The following RNFT2 variants were observed in gnomAD, a reference collection of about 807,000 sequenced individuals.
RNFT2 encodes ring finger protein, transmembrane 2, also known as E3 ubiquitin-protein ligase RNFT2.
In RNFT2, 36 loss-of-function variants were observed where a neutral mutation model predicts 53.0. The observed-to-expected ratio is 0.68, with a 90% CI of 0.52 to 0.90. The LOEUF is 0.90. Among genes scored for constraint, RNFT2 ranks in the 40% least tolerant of loss-of-function variants. The probability of loss-of-function intolerance (pLI) is 0.00; values close to 1 mark genes in which losing one functional copy is unlikely to be tolerated. For missense variants in RNFT2, 514 were observed against 585.6 expected, an observed-to-expected ratio of 0.88 and a Z score of 1.26; for synonymous variants, 260 against 253.2, an observed-to-expected ratio of 1.03 and a Z score of -0.26.
At chr12:116,808,377 G>A (rs930748440) in intron 7 of RNFT2, among the ~76,000 whole-genome samples, 4 of 152,152 alleles carry the variant, frequency 2.6e-5, no homozygotes, top group East Asian at 3.8e-4. Context: ...GGTGCGAGCC[G>A]CTGCATCCAG....
At chr12:116,750,853 T>G (rs1239650224) in intron 4 of RNFT2, among the ~76,000 whole-genome samples, 1 of 16,324 alleles carries the variant, frequency 6.1e-5, no homozygotes, top group African/African-American at 6.4e-4. Context: ...ATATATATAA[T>G]ATATATTATA....
At chr12:116,780,367 A>G (rs962321545) in intron 7 of RNFT2, among the ~76,000 whole-genome samples, 1 of 152,146 alleles carries the variant, frequency 6.6e-6, no homozygotes, top group Non-Finnish European at 1.5e-5. Flanking sequence ...TCTCATAGGG[A>G]GCATACAACC....
At chr12:116,750,840 TATATATATATAATATATA>T (rs1872178851) in intron 4 of RNFT2, among the ~76,000 whole-genome samples, 2 of 2,322 alleles carry the variant, frequency 8.6e-4, no homozygotes, top group African/African-American at 3.4e-3. Context: ...ATATATATAT[TATATATATATAATATATA>T]TTATATATAT....
intron 6 of RNFT2, among the ~76,000 whole-genome samples, chr12:116,774,511 T>G (rs17616249): frequency 0.017 from 2,611 of 152,308 alleles, 102 homozygotes; most frequent in East Asian, 0.15. Context: ...TTGTGGAAAC[T>G]ATCAGAGCTG....
intron 7 of RNFT2, among the ~76,000 whole-genome samples, chr12:116,823,073 A>G (rs1026746612): frequency 1.3e-5 from 2 of 152,048 alleles, no homozygotes; most frequent in African/African-American, 4.8e-5. Flanking sequence ...ATATTGTTTG[A>G]CCTCCTGGAT....
chr12:116,801,704 T>C (rs1874798529), intron 7 of RNFT2, among the ~76,000 whole-genome samples: 1 of 152,370 alleles, frequency 6.6e-6, no homozygotes, highest in South Asian at 2.1e-4. Context: ...CTAACCAAAG[T>C]CAGGATCGAA....
Position 116,750,174 on chromosome 12 carries a change from G to T in RNFT2, c.417G>T (p.Glu139Asp). Residue 139 changes from glutamate to aspartate, a missense_variant, in exon 4 of 11, where the codon GAG becomes GAT. This residue lies in a region of RNFT2 where 237 missense variants were observed against 235.1 expected (regional missense o/e 1.01). Transcript: ENST00000257575. ...GTGGGGACCACCGGGGGCACTCGGA[G>T]GAGGGAGGCGACGAGCAGCCTGGGA... is the stretch of plus-strand genomic sequence containing the variant. ...HVGGDHRGHS[E>D]EGGDEQPGTP... 6.3e-7 allele frequency: 1 copy of T among 1,596,012 alleles called. No homozygotes were observed.
chr12:116,821,285 G>A (rs576628178), intron 7 of RNFT2, among the ~76,000 whole-genome samples: 7 of 150,358 alleles, frequency 4.7e-5, no homozygotes, highest in East Asian at 3.9e-4. Context: ...GTCCTGCCCC[G>A]TCACACTTGT....
chr12:116,787,118 G>A (rs2101868), intron 7 of RNFT2, among the ~76,000 whole-genome samples: 145,163 of 152,332 alleles, frequency 0.95, 69,231 homozygotes, highest in African/African-American at 0.98. Flanking sequence ...TTGAGTGGCC[G>A]TTATTTCCTT....
At position 116,849,338 on chromosome 12, in the gene RNFT2, T is replaced by G; in HGVS notation, c.1225T>G (p.Cys409Gly). 2 of 1,542,698 alleles carry G rather than the reference T, an allele frequency of 1.3e-6. No homozygotes were observed. Among genetic ancestry groups the G allele is most frequent in the Non-Finnish European group, 1.7e-6 (2 of 1,147,050 alleles). Residue 409 changes from cysteine to glycine, a missense_variant, in exon 11 of 11, where the codon TGC becomes GGC. Around this residue, in one of 3 missense-constraint regions of RNFT2, gnomAD observed 273 missense variants for 334.4 expected, o/e 0.82. Coordinates refer to ENST00000257575, the MANE Select transcript of RNFT2 (RefSeq NM_001382266.1). ...CQHVFCEECL[C>G]LWLDRERTCP... ...GCACGTGTTCTGTGAGGAGTGCCTC[T>G]GCCTGTGGCTGGACCGTGAGCGCAC...
chr12:116,830,707 T>A (rs1326648731), intron 7 of RNFT2, among the ~76,000 whole-genome samples: 2 of 152,022 alleles, frequency 1.3e-5, no homozygotes, highest in Non-Finnish European at 2.9e-5. Context: ...GTCAGGAATA[T>A]GAGACCAGCC....
rs1878000465 is a variant in RNFT2, at chr12:116,853,032, A to G, written c.*3584A>G. The G allele has an allele frequency of 4.2e-6, 2 of 473,488 alleles. No individual in the cohort carries two copies. Among genetic ancestry groups the G allele is most frequent in the Non-Finnish European group, 7.4e-6 (2 of 271,890 alleles). The allele number at this position is 473,488 out of a possible 1,614,324, so 29.3% of individuals were successfully genotyped here. A position where few individuals can be genotyped will look rare whatever the true frequency, so the allele number is the denominator to read the frequency against. On this transcript the variant is annotated 3_prime_UTR_variant, in exon 11 of 11. Coordinates refer to ENST00000257575, the MANE Select transcript of RNFT2 (RefSeq NM_001382266.1). ...ATGGGATGGTTTAGTTTAGGATTTT[A>G]TTAGTGCATGCCCTACCCTCTGGGG...
At chr12:116,748,121 C>T (rs1244033103) in intron 3 of RNFT2, among the ~76,000 whole-genome samples, 9 of 151,760 alleles carry the variant, frequency 5.9e-5, no homozygotes, top group South Asian at 4.2e-4. Context: ...ACCTGGGAGG[C>T]GGAGGTTGCA....
Position 116,840,607 on chromosome 12 carries a change from C to T in RNFT2, c.1200+4325C>T, listed in dbSNP as rs182373537. Among the ~76,000 whole-genome samples, 150 of 152,322 alleles carry T rather than the reference C, an allele frequency of 9.8e-4. 1 individual carries two copies. In the East Asian group the frequency reaches 0.027, roughly 27 times the overall value. The stretch of plus-strand genomic sequence containing the variant: ...GAGTTCTTGACACCTACCTCTGACT[C>T]CTCCATCCAGTCATCTATGCTTTGA... On this transcript the variant is annotated intron_variant, in intron 10 of 10. Transcript: ENST00000257575.
At chr12:116,772,915 G>A (rs773823509) in intron 6 of RNFT2, among the ~76,000 whole-genome samples, 22 of 151,946 alleles carry the variant, frequency 1.4e-4, no homozygotes, top group Non-Finnish European at 2.2e-4. Context: ...TGTAACCTCC[G>A]TCTCCTGGGT....
intron 7 of RNFT2, among the ~76,000 whole-genome samples, chr12:116,800,068 A>G (rs1276842322): frequency 6.6e-6 from 1 of 152,150 alleles, no homozygotes; most frequent in East Asian, 1.9e-4. Flanking sequence ...CATGTGACAC[A>G]CCTGCTCCCC....
rs534675461 is a variant in RNFT2, at chr12:116,777,446, G to A, written c.729-1749G>A. The stretch of plus-strand genomic sequence containing the variant: ...GAGAGCCACCTGTTGTCTGTCTCCA[G>A]TGAGTTAAGTACAGAAACTGAACAT... On this transcript the variant is annotated intron_variant, in intron 6 of 10. Transcript: ENST00000257575. Among the ~76,000 whole-genome samples the A allele has an allele frequency of 4.6e-5, 7 of 152,330 alleles. No homozygotes were observed. The South Asian group carries it at 1.4e-3, about 32-fold the overall frequency.
intron 10 of RNFT2, among the ~76,000 whole-genome samples, chr12:116,847,198 G>A (rs1877662631): frequency 6.6e-6 from 1 of 152,070 alleles, no homozygotes; most frequent in Admixed American, 6.6e-5. Context: ...GTAAGCCACT[G>A]TGCCTGGCCA....
intron 7 of RNFT2, among the ~76,000 whole-genome samples, chr12:116,810,383 G>A (rs941788057): frequency 6.6e-6 from 1 of 152,184 alleles, no homozygotes; most frequent in African/African-American, 2.4e-5. Flanking sequence ...ACAGTTCGGG[G>A]TGTGCGTTTT....
Sources: allele counts gnomAD v4.1 joint callset (sites outside exome capture counted in the v4.1 genomes callset), GRCh38; gene constraint gnomAD v4.1.1; regional missense constraint gnomAD v4.1.1; transcripts MANE v1.5; gene names NCBI Gene and HGNC (gene_info 2026-07-23, HGNC 2026-07-21).